The following SSUH2 variants were observed in gnomAD, a reference collection of about 807,000 sequenced individuals.
SSUH2 encodes the protein ssu-2 homolog.
SSUH2 carries 47 observed loss-of-function variants against 55.3 expected under a neutral mutation model. The ratio of observed to expected loss-of-function variants is 0.85; its 90% CI spans 0.67 to 1.08. The LOEUF (loss-of-function observed/expected upper bound fraction) is 1.08, where lower values mean the gene tolerates loss of function less well. Among genes scored for constraint, SSUH2 ranks in the 50% least tolerant of loss-of-function variants. The probability of loss-of-function intolerance (pLI) is 0.00; values close to 1 mark genes in which losing one functional copy is unlikely to be tolerated. For synonymous variants in SSUH2, 212 were observed against 191.5 expected, an observed-to-expected ratio of 1.11 and a Z score of -0.89; for missense variants, 535 against 490.7, an observed-to-expected ratio of 1.09 and a Z score of -0.85.
intron 4 of SSUH2, 24 bp downstream of exon 4, chr3:8,633,642 C>T (rs1165006877): frequency 2.7e-6 from 4 of 1,496,692 alleles, no homozygotes; most frequent in East Asian, 2.3e-5. Flanking sequence ...CGGCCAAGGC[C>T]CCCCACCGGC....
At chr3:8,679,577 C>G (rs554435563) in intron 2 of SSUH2, 2 of 159,852 alleles carry the variant, frequency 1.3e-5, no homozygotes, top group African/African-American at 2.4e-5. Flanking sequence ...TCTCTTCCCC[C>G]CCTGGCTCTT....
intron 7 of SSUH2, chr3:8,652,074 T>A (rs1702476362): frequency 6.6e-6 from 1 of 152,362 alleles, no homozygotes; most frequent in African/African-American, 2.4e-5. Context: ...GTGTCCCGCA[T>A]GCACAGTGAT....
chr3:8,625,006 C>T (rs1333824597), intron 10 of SSUH2, among the ~76,000 whole-genome samples: 2 of 152,142 alleles, frequency 1.3e-5, no homozygotes, highest in Admixed American at 6.5e-5. Flanking sequence ...TGGAACGACA[C>T]TGCCACCCCT....
At chr3:8,666,125 C>A (rs1158078354) in intron 5 of SSUH2, among the ~76,000 whole-genome samples, 1 of 152,080 alleles carries the variant, frequency 6.6e-6, no homozygotes, top group African/African-American at 2.4e-5. Flanking sequence ...GCTTTTCAGA[C>A]AAAATATCAG....
chr3:8,658,451 T>C (rs1703151803), intron 7 of SSUH2, among the ~76,000 whole-genome samples: 1 of 152,214 alleles, frequency 6.6e-6, no homozygotes, highest in African/African-American at 2.4e-5. Flanking sequence ...GCTTTCCACT[T>C]GCTTGCCGCA....
At chr3:8,642,399 T>C (rs1449274582) in intron 1 of SSUH2, among the ~76,000 whole-genome samples, 1 of 152,200 alleles carries the variant, frequency 6.6e-6, no homozygotes, top group African/African-American at 2.4e-5. Flanking sequence ...CAGCCTGGAA[T>C]CAAGACCAAA....
At chr3:8,657,413 C>A (rs543942258) in intron 7 of SSUH2, among the ~76,000 whole-genome samples, 242 of 152,282 alleles carry the variant, frequency 1.6e-3, no homozygotes, top group African/African-American at 5.6e-3. Flanking sequence ...AGCCCCTACC[C>A]TCAAGCAGCT....
At chr3:8,680,719 A>G (rs1412033127) in intron 1 of SSUH2, among the ~76,000 whole-genome samples, 1 of 151,976 alleles carries the variant, frequency 6.6e-6, no homozygotes, top group Non-Finnish European at 1.5e-5. Flanking sequence ...CCGCCTTGGT[A>G]TATTATGAAG....
At chr3:8,658,260 G>A (rs1265956593) in intron 7 of SSUH2, among the ~76,000 whole-genome samples, 1 of 152,234 alleles carries the variant, frequency 6.6e-6, no homozygotes, top group Non-Finnish European at 1.5e-5. Flanking sequence ...GCTATGAGTA[G>A]AATTGCTGTT....
intron 5 of SSUH2, among the ~76,000 whole-genome samples, chr3:8,631,645 G>A (rs1199597803): frequency 6.6e-6 from 1 of 152,112 alleles, no homozygotes; most frequent in African/African-American, 2.4e-5. Context: ...TAGGCCTCCA[G>A]TGGGGGCTCA....
intron 5 of SSUH2, among the ~76,000 whole-genome samples, chr3:8,669,952 C>A (rs1196123473): frequency 6.6e-6 from 1 of 152,202 alleles, no homozygotes; most frequent in Non-Finnish European, 1.5e-5. Context: ...GACATCTGAA[C>A]ACATTCTGTA....
At chr3:8,620,145 T>C in intron 11 of SSUH2, 131 bp from the exon 12 acceptor site, 1 of 992,294 alleles carries the variant, frequency 1.0e-6, no homozygotes. Flanking sequence ...TCAATATGGT[T>C]TGGCTCTGTG....
intron 3 of SSUH2, among the ~76,000 whole-genome samples, chr3:8,675,709 T>C (rs1705170579): frequency 6.6e-6 from 1 of 152,134 alleles, no homozygotes; most frequent in South Asian, 2.1e-4. Flanking sequence ...TTTGCAGTAC[T>C]AGCCAAGCCT....
intron 3 of SSUH2, among the ~76,000 whole-genome samples, chr3:8,676,628 G>A (rs1455150761): frequency 6.6e-6 from 1 of 150,926 alleles, no homozygotes; most frequent in African/African-American, 2.4e-5. Flanking sequence ...GCTCTATTAT[G>A]GGGAGTCATA....
chr3:8,626,429 T>G lies in SSUH2; in HGVS notation c.675-108A>C, dbSNP rs540508513. ...TCCTGGAGGTAGACTGTGGTGGGCCTGCATTGTTTGTACCTGCCCACCACC... is the reference window on the plus strand; with the variant it reads ...TCCTGGAGGTAGACTGTGGTGGGCCGGCATTGTTTGTACCTGCCCACCACC... On this transcript the variant is annotated intron_variant, in intron 8 of 11. Coordinates refer to ENST00000544814, the MANE Select transcript of SSUH2 (RefSeq NM_001256748.3). The G allele has an allele frequency of 3.8e-6, 3 of 780,336 alleles. No individual in the cohort carries two copies. In the South Asian group the frequency reaches 4.8e-5, roughly 12 times the overall value. The allele number at this position is 780,336 out of a possible 1,614,324, so 48.3% of individuals were successfully genotyped here.
intron 5 of SSUH2, among the ~76,000 whole-genome samples, chr3:8,670,062 A>C (rs945206632): frequency 1.3e-5 from 2 of 151,738 alleles, no homozygotes; most frequent in Admixed American, 1.3e-4. Context: ...CAGTGCTTGC[A>C]CCTCCGCAAG....
intron 1 of SSUH2, among the ~76,000 whole-genome samples, chr3:8,681,296 T>C (rs1403663396): frequency 2.1e-5 from 3 of 144,504 alleles, no homozygotes; most frequent in Non-Finnish European, 4.5e-5. Flanking sequence ...CTTCCCTCCC[T>C]GGATCTTTGG....
intron 1 of SSUH2, among the ~76,000 whole-genome samples, chr3:8,642,630 T>C (rs929024464): frequency 1.3e-5 from 2 of 152,248 alleles, no homozygotes; most frequent in African/African-American, 4.8e-5. Flanking sequence ...AGAACGTTCC[T>C]ATCCATGCAC....
intron 4 of SSUH2, among the ~76,000 whole-genome samples, chr3:8,632,425 T>G (rs1207110202): frequency 6.6e-6 from 1 of 152,112 alleles, no homozygotes; most frequent in Admixed American, 6.5e-5. Flanking sequence ...TAGATGGAGG[T>G]CCCTGGAATC....
Sources: allele counts gnomAD v4.1 joint callset (sites outside exome capture counted in the v4.1 genomes callset), GRCh38; gene constraint gnomAD v4.1.1; transcripts MANE v1.5; gene names NCBI Gene and HGNC (gene_info 2026-07-23, HGNC 2026-07-21).